The following ZNF558 variants were observed in gnomAD, a reference collection of about 807,000 sequenced individuals.
The protein encoded by ZNF558 is zinc finger protein 558.
In ZNF558, 23 loss-of-function variants were observed where a neutral mutation model predicts 37.6. That is an observed-to-expected ratio of 0.61 (90% CI 0.44 to 0.87). The LOEUF (loss-of-function observed/expected upper bound fraction) is 0.87, where lower values mean the gene tolerates loss of function less well. Among genes scored for constraint, ZNF558 ranks in the 40% least tolerant of loss-of-function variants. The pLI, the probability that ZNF558 is intolerant of heterozygous loss-of-function variation, is 0.00. For synonymous variants in ZNF558, 189 were observed against 174.4 expected (o/e 1.08, Z -0.66); for missense variants, 429 against 483.7 (o/e 0.89, Z 1.06).
At chr19:8,813,331 G>T in intron 7 of ZNF558, 109 bp from the exon 8 acceptor site, 1 of 819,054 alleles carries the variant, frequency 1.2e-6, no homozygotes, top group Non-Finnish European at 2.0e-6. Context: ...TTTAGGAGCA[G>T]TGAAATAAAT....
chr19:8,836,025 G>T (rs1018306451), upstream of ZNF558, among the ~76,000 whole-genome samples: 1 of 152,172 alleles, frequency 6.6e-6, no homozygotes, highest in African/African-American at 2.4e-5. Context: ...GGGGAAGTGG[G>T]TAATGGTATG....
chr19:8,825,976 G>A (rs866245625), intron 2 of ZNF558, among the ~76,000 whole-genome samples: 2 of 152,182 alleles, frequency 1.3e-5, no homozygotes, highest in Non-Finnish European at 2.9e-5. Flanking sequence ...GAAACAGGAG[G>A]GTCAGTTCAA....
Position 8,812,754 on chromosome 19 carries a change from A to G in ZNF558, c.344-111T>C, listed in dbSNP as rs115296792. 2,050 of 618,942 alleles carry G rather than the reference A, an allele frequency of 3.3e-3. 30 individuals carry two copies. In the African/African-American group the frequency reaches 0.035, roughly 11 times the overall value. The allele number at this position is 618,942 out of a possible 1,614,324, so 38.3% of individuals were successfully genotyped here. On this transcript the variant is annotated intron_variant, in intron 8 of 9. Transcript: ENST00000601372. ...CAGGGTTTTTGAGGATGTTTGCAAC[A>G]AAGAGGATTTGGTTATGAAAATTTT... is the stretch of plus-strand genomic sequence containing the variant.
chr19:8,821,992 A>T lies in ZNF558; in HGVS notation c.120+11T>A, dbSNP rs2044104140. On this transcript the variant is annotated intron_variant, in intron 6 of 9. Transcript: ENST00000601372. ...GGAATAATGATTTGGGAAAAGGAAC[A>T]TCTGACTCACCCGTAGCCAGCTTGT... 1 of 1,613,842 alleles carries T rather than the reference A, an allele frequency of 6.2e-7. No homozygotes were observed. The highest frequency in any genetic ancestry group is 8.5e-7 in the Non-Finnish European group (1 of 1,179,816).
chr19:8,834,658 C>T (rs2044435144), upstream of ZNF558, among the ~76,000 whole-genome samples: 1 of 148,784 alleles, frequency 6.7e-6, no homozygotes, highest in African/African-American at 2.5e-5. Context: ...ACCAACCAAC[C>T]AAGAAACAAA....
intron 7 of ZNF558, among the ~76,000 whole-genome samples, chr19:8,817,942 T>G (rs75153965): frequency 0.036 from 5,520 of 151,980 alleles, 115 homozygotes; most frequent in Middle Eastern, 0.14. Flanking sequence ...TATTAGAAGA[T>G]CAAAAAGGAA....
At chr19:8,837,163 A>G (rs1181366530), upstream of ZNF558, among the ~76,000 whole-genome samples, 1 of 152,216 alleles carries the variant, frequency 6.6e-6, no homozygotes, top group East Asian at 1.9e-4. Context: ...CCAGTTTCTC[A>G]GCAGGTACTT....
rs2044083333 is a variant in ZNF558 at position 8,821,330 on chromosome 19, C to T, written c.121-24G>A. 10 of 1,614,162 alleles carry T rather than the reference C, an allele frequency of 6.2e-6. No individual in the cohort carries two copies. In the East Asian group the frequency reaches 1.1e-4, roughly 18 times the overall value. ...CCCTAAAGCATTGCAAACATCACGG[C>T]TTAGCCAAGGACCACCCCCACCAAC... On this transcript the variant is annotated intron_variant, in intron 6 of 9. Coordinates refer to ENST00000601372, the MANE Select transcript of ZNF558 (RefSeq NM_144693.3).
chr19:8,821,680 T>C, intron 6 of ZNF558: 1 of 1,304,624 alleles, frequency 7.7e-7, no homozygotes, highest in Non-Finnish European at 9.8e-7. Context: ...AGCAGAGAAA[T>C]ACTTGGTAAG....
intron 7 of ZNF558, among the ~76,000 whole-genome samples, chr19:8,818,566 T>A (rs2044000602): frequency 6.6e-6 from 1 of 152,220 alleles, no homozygotes. Flanking sequence ...TTTTTTTTCC[T>A]TTCAGAAATA....
the ZNF558 span, among the ~76,000 whole-genome samples, chr19:8,837,553 T>C: frequency 6.6e-6 from 1 of 152,204 alleles, no homozygotes; most frequent in Non-Finnish European, 1.5e-5. Context: ...CTGCCTCGAA[T>C]GGGGGTGGCT....
chr19:8,813,232 G>C lies in ZNF558; in HGVS notation c.248-10C>G, dbSNP rs1210566851. 2 of 1,572,860 alleles carry C rather than the reference G, an allele frequency of 1.3e-6. No individual in the cohort carries two copies. The highest frequency in any genetic ancestry group is 1.9e-5 in the Admixed American group (1 of 53,836). Reference sequence around the variant, plus strand: ...TTATTAACACGACACCCTATTTATGGAAACAATACACATGATATAGGTAAC... The same window carrying C: ...TTATTAACACGACACCCTATTTATGCAAACAATACACATGATATAGGTAAC... On this transcript the variant is annotated splice_polypyrimidine_tract_variant and intron_variant, in intron 7 of 9. Coordinates refer to ENST00000601372, the MANE Select transcript of ZNF558 (RefSeq NM_144693.3).
At position 8,808,571 on chromosome 19, in the gene ZNF558, C is replaced by A. The variant is rs1385234261; in HGVS notation, c.*2710G>T. 6.6e-6 allele frequency: 1 copy of A among 152,108 alleles called. No homozygotes were observed. The highest frequency in any genetic ancestry group is 1.5e-5 in the Non-Finnish European group (1 of 68,008). 9.4% of individuals were successfully genotyped at this position (152,108 alleles called of 1,614,324 possible). On this transcript the variant is annotated 3_prime_UTR_variant, in exon 10 of 10. Transcript: ENST00000601372. Reference sequence around the variant, plus strand: ...AACATACGTACTGTACTTGGAAATACAATTAAGTTGCATTAATGTTCATAT... The same window carrying A: ...AACATACGTACTGTACTTGGAAATAAAATTAAGTTGCATTAATGTTCATAT...
In ZNF558 at chr19:8,810,803, G is replaced by C. The variant is rs2043766491; in HGVS notation, c.*478C>G. 6.4e-6 allele frequency: 1 copy of C among 155,616 alleles called. No homozygotes were observed. Among genetic ancestry groups the C allele is most frequent in the Non-Finnish European group, 1.4e-5 (1 of 70,308 alleles). 9.6% of individuals were successfully genotyped at this position (155,616 alleles called of 1,614,324 possible). On this transcript the variant is annotated 3_prime_UTR_variant, in exon 10 of 10. Coordinates refer to ENST00000601372, the MANE Select transcript of ZNF558 (RefSeq NM_144693.3). ...AGTGAAAGCTTAGCAGTCCTCCTGAGGATAGGTCATAAAAGCCATTTTGGC... is the reference window on the plus strand; with the variant it reads ...AGTGAAAGCTTAGCAGTCCTCCTGACGATAGGTCATAAAAGCCATTTTGGC...
Position 8,822,697 on chromosome 19 carries a change from G to C in ZNF558, c.-38C>G. 6.2e-7 allele frequency: 1 copy of C among 1,613,946 alleles called. No individual in the cohort carries two copies. The highest frequency in any genetic ancestry group is 8.5e-7 in the Non-Finnish European group (1 of 1,179,986). On this transcript the variant is annotated 5_prime_UTR_variant, in exon 5 of 10. Transcript: ENST00000601372. The surrounding 1 kb of genome is among the most constrained non-coding windows in gnomAD (Gnocchi z 4.4). ...ACAGCAACAGGGCAGCCGGGAAGCA[G>C]GACGCTCCTCCTTTATCCCGCAGCG...
chr19:8,821,836 C>A (rs1376833013), intron 6 of ZNF558, 167 bp downstream of exon 6: 45 of 1,461,098 alleles, frequency 3.1e-5, no homozygotes, highest in Non-Finnish European at 4.1e-5. Context: ...TAAATGTTGA[C>A]ACACACTGAC....
chr19:8,822,519 G>A lies in ZNF558; in HGVS notation c.31+110C>T. ...GACACGGAGGACCTCTGGGCCCCTG[G>A]GGCTCCACTCCTGCCTCACCTGCTC... On this transcript the variant is annotated intron_variant, in intron 5 of 9. Transcript: ENST00000601372. This position sits in a 1 kb window ranked among gnomAD's most constrained non-coding sequence, Gnocchi z 4.4. 3.3e-6 allele frequency: 5 copies of A among 1,509,492 alleles called. No individual in the cohort carries two copies. The highest frequency in any genetic ancestry group is 1.2e-5 in the South Asian group (1 of 86,190). 93.5% of individuals were successfully genotyped at this position (1,509,492 alleles called of 1,614,324 possible). A position where few individuals can be genotyped will look rare whatever the true frequency, so the allele number is the denominator to read the frequency against.
rs1235702193 is a variant in ZNF558, at chr19:8,807,119, GAAGGA to G, written c.*4157_*4161del. ...GGGATATTTTCCTGTCTCAATGGATGAAGGAGAGTGAGGTCTGACCCTGGCTATTT... is the reference window on the plus strand; with the variant it reads ...GGGATATTTTCCTGTCTCAATGGATGGAGTGAGGTCTGACCCTGGCTATTT... On this transcript the variant is annotated 3_prime_UTR_variant, in exon 10 of 10. Coordinates refer to ENST00000601372, the MANE Select transcript of ZNF558 (RefSeq NM_144693.3). 1 of 152,224 alleles carries G rather than the reference GAAGGA, an allele frequency of 6.6e-6. No individual in the cohort carries two copies. The highest frequency in any genetic ancestry group is 1.5e-5 in the Non-Finnish European group (1 of 68,052). The allele number at this position is 152,224 out of a possible 1,614,324, so 9.4% of individuals were successfully genotyped here. A position where few individuals can be genotyped will look rare whatever the true frequency, so the allele number is the denominator to read the frequency against.
At chr19:8,817,343 C>A (rs72998042) in intron 7 of ZNF558, among the ~76,000 whole-genome samples, 28,765 of 151,978 alleles carry the variant, frequency 0.19, 2,943 homozygotes, top group Middle Eastern at 0.26. Context: ...ACCCTACAAC[C>A]ATTCTATTTT....
Sources: allele counts gnomAD v4.1 joint callset (sites outside exome capture counted in the v4.1 genomes callset), GRCh38; gene constraint gnomAD v4.1.1; non-coding constraint Gnocchi (gnomAD v3.1); transcripts MANE v1.5; gene names NCBI Gene and HGNC (gene_info 2026-07-23, HGNC 2026-07-21).